THSD4: variants seen among roughly 807,000 people sequenced by gnomAD.
THSD4 encodes thrombospondin type 1 domain containing 4.
Under a neutral mutation model 119.0 loss-of-function variants are expected in THSD4, and 69 were observed. The observed-to-expected ratio is 0.58, with a 90% confidence interval of 0.48 to 0.71. The LOEUF (loss-of-function observed/expected upper bound fraction) is 0.71, where lower values mean the gene tolerates loss of function less well. THSD4 is among the 30% of genes least tolerant of loss of function. The probability of loss-of-function intolerance (pLI) is 0.00; values close to 1 mark genes in which losing one functional copy is unlikely to be tolerated. For missense variants in THSD4, 1,393 were observed against 1,391.1 expected, an observed-to-expected ratio of 1.00 and a Z score of -0.02; for synonymous variants, 524 against 540.4, an observed-to-expected ratio of 0.97 and a Z score of 0.42.
At chr15:71,568,018 G>A (rs570192401) in intron 7 of THSD4, among the ~76,000 whole-genome samples, 1 of 151,824 alleles carries the variant, frequency 6.6e-6, no homozygotes, top group Non-Finnish European at 1.5e-5. Flanking sequence ...TATCCTGTTT[G>A]TGCCTTTGAA....
intron 2 of THSD4, among the ~76,000 whole-genome samples, chr15:71,145,092 A>G (rs2040644021): frequency 6.6e-6 from 1 of 152,164 alleles, no homozygotes. Flanking sequence ...TGTCCCTAGA[A>G]CAGTACAATA....
At chr15:71,370,483 C>A (rs1170778760) in intron 6 of THSD4, among the ~76,000 whole-genome samples, 3 of 152,108 alleles carry the variant, frequency 2.0e-5, no homozygotes. Flanking sequence ...TACGTTGTGT[C>A]TTTGTTCTCA....
chr15:71,421,502 G>C (rs1181770931), intron 7 of THSD4, among the ~76,000 whole-genome samples: 32 of 152,290 alleles, frequency 2.1e-4, no homozygotes, highest in Admixed American at 2.1e-3. Context: ...CTCTCTCCTG[G>C]CCTGTAAGGT....
chr15:71,101,699 G>C (rs1013630378), intron 1 of THSD4, among the ~76,000 whole-genome samples: 4 of 150,730 alleles, frequency 2.7e-5, no homozygotes, highest in South Asian at 2.1e-4. Context: ...TTCTGGATTG[G>C]TAGTTTTCTT....
At chr15:71,439,953 G>A (rs974264892) in intron 7 of THSD4, among the ~76,000 whole-genome samples, 12 of 152,092 alleles carry the variant, frequency 7.9e-5, no homozygotes, top group Non-Finnish European at 1.5e-5. Flanking sequence ...ACCATGGCAT[G>A]TGTATACCTA....
At chr15:71,481,428 AC>A (rs1477090347) in intron 7 of THSD4, among the ~76,000 whole-genome samples, 2 of 152,258 alleles carry the variant, frequency 1.3e-5, no homozygotes, top group African/African-American at 2.4e-5. Flanking sequence ...GTTTGAAAAT[AC>A]AAGTAGATTG....
chr15:71,638,883 C>T (rs962547871), intron 7 of THSD4, among the ~76,000 whole-genome samples: 2 of 152,176 alleles, frequency 1.3e-5, no homozygotes, highest in African/African-American at 2.4e-5. Flanking sequence ...CATAAAGAGT[C>T]AGCAAGGACC....
intron 7 of THSD4, among the ~76,000 whole-genome samples, chr15:71,438,233 T>C (rs530509505): frequency 1.3e-5 from 2 of 152,360 alleles, no homozygotes; most frequent in South Asian, 4.1e-4. Context: ...CTGATCTTTT[T>C]CTTAACTTGT....
At chr15:71,119,357 G>A (rs2040389798) in intron 1 of THSD4, among the ~76,000 whole-genome samples, 2 of 152,192 alleles carry the variant, frequency 1.3e-5, no homozygotes, top group African/African-American at 2.4e-5. Context: ...TACCTCAGGC[G>A]ATTCTTCCGC....
chr15:71,193,686 A>C (rs2043692798), intron 3 of THSD4, among the ~76,000 whole-genome samples: 1 of 150,394 alleles, frequency 6.6e-6, no homozygotes, highest in Admixed American at 6.7e-5. Flanking sequence ...GTAGTGAATA[A>C]GTCTCATGAG....
chr15:71,575,875 T>C (rs2049439155), intron 7 of THSD4, among the ~76,000 whole-genome samples: 1 of 152,228 alleles, frequency 6.6e-6, no homozygotes, highest in Admixed American at 6.5e-5. Flanking sequence ...AGGCTCTGCC[T>C]GCAAGATACT....
intron 1 of THSD4, among the ~76,000 whole-genome samples, chr15:71,101,895 G>A (rs949154260): frequency 2.5e-4 from 38 of 151,978 alleles, no homozygotes; most frequent in South Asian, 8.3e-4. Flanking sequence ...TTGTATTTTC[G>A]TAGAGACGGG....
chr15:71,703,426 A>G (rs2052331425), intron 8 of THSD4, among the ~76,000 whole-genome samples: 1 of 152,212 alleles, frequency 6.6e-6, no homozygotes, highest in African/African-American at 2.4e-5. Flanking sequence ...ACATATTTCC[A>G]TTAGCTTATG....
At chr15:71,500,243 A>T (rs1363249936) in intron 7 of THSD4, among the ~76,000 whole-genome samples, 1 of 152,066 alleles carries the variant, frequency 6.6e-6, no homozygotes, top group Non-Finnish European at 1.5e-5. Context: ...AATTTTGAAC[A>T]CCTTTTCATG....
chr15:71,126,137 G>A (rs578219177), intron 1 of THSD4, among the ~76,000 whole-genome samples: 4 of 152,270 alleles, frequency 2.6e-5, no homozygotes, highest in Admixed American at 6.5e-5. Flanking sequence ...TTCCATCTCC[G>A]GGACACTAAT....
intron 7 of THSD4, among the ~76,000 whole-genome samples, chr15:71,505,942 A>C (rs11636873): frequency 0.98 from 149,938 of 152,340 alleles, 73,832 homozygotes; most frequent in East Asian, 1. Context: ...CTACAAGAAA[A>C]CCTTTAAAAC....
chr15:71,560,933 G>A (rs1207299777), intron 7 of THSD4, among the ~76,000 whole-genome samples: 1 of 151,426 alleles, frequency 6.6e-6, no homozygotes, highest in Non-Finnish European at 1.5e-5. Context: ...TGCTTAGGCA[G>A]GCTACAAGTA....
intron 6 of THSD4, among the ~76,000 whole-genome samples, chr15:71,258,142 G>A (rs2044341960): frequency 1.3e-5 from 2 of 152,042 alleles, no homozygotes; most frequent in Admixed American, 1.3e-4. Flanking sequence ...TATTGTACCA[G>A]CGTTAATGTC....
At chr15:71,637,185 C>A (rs1000659881) in intron 7 of THSD4, among the ~76,000 whole-genome samples, 1 of 152,292 alleles carries the variant, frequency 6.6e-6, no homozygotes, top group Middle Eastern at 3.4e-3. Flanking sequence ...CAGTGCCCAG[C>A]CTCAAGTCCA....
Sources: gnomAD v4.1 joint callset for allele counts (sites outside exome capture counted in the v4.1 genomes callset) on GRCh38, gnomAD v4.1.1 for gene constraint, MANE v1.5 for transcripts, NCBI Gene and HGNC (gene_info 2026-07-23, HGNC 2026-07-21) for gene names.